Variants in SYN3 observed in about 807,000 individuals in gnomAD.
SYN3 encodes the protein synapsin III.
In SYN3, 35 loss-of-function variants were observed where a neutral mutation model predicts 65.8. That is an observed-to-expected ratio of 0.53 (90% confidence interval 0.41 to 0.70). The LOEUF is 0.70. Ranked by LOEUF, SYN3 falls within the 30% of genes least tolerant of loss-of-function variation. The pLI, the probability that SYN3 is intolerant of heterozygous loss-of-function variation, is 0.00. For missense variants in SYN3, 680 were observed against 749.0 expected, an observed-to-expected ratio of 0.91 and a Z score of 1.08; for synonymous variants, 270 against 292.9, an observed-to-expected ratio of 0.92 and a Z score of 0.80.
chr22:32,786,051 A>G (rs2046186844), intron 6 of SYN3, among the ~76,000 whole-genome samples: 1 of 152,156 alleles, frequency 6.6e-6, no homozygotes, highest in Non-Finnish European at 1.5e-5. Flanking sequence ...GCAAGATACA[A>G]TCCCATTTAC....
At chr22:32,783,430 G>GA (rs774425593) in intron 6 of SYN3, among the ~76,000 whole-genome samples, 1 of 152,222 alleles carries the variant, frequency 6.6e-6, no homozygotes, top group Non-Finnish European at 1.5e-5. Flanking sequence ...TGGAATTACT[G>GA]AAAATCTGAA....
chr22:32,529,439 A>G (rs898850210), intron 10 of SYN3, among the ~76,000 whole-genome samples: 1 of 152,158 alleles, frequency 6.6e-6, no homozygotes, highest in Non-Finnish European at 1.5e-5. Flanking sequence ...TGACAAAAAT[A>G]TGACGCGGGC....
At chr22:32,561,810 C>G (rs1057092346) in intron 7 of SYN3, among the ~76,000 whole-genome samples, 2 of 152,200 alleles carry the variant, frequency 1.3e-5, no homozygotes, top group African/African-American at 2.4e-5. Context: ...CGTGGGGAAG[C>G]CTGTAGAGGC....
intron 6 of SYN3, among the ~76,000 whole-genome samples, chr22:32,841,927 A>G (rs1339755115): frequency 6.6e-6 from 1 of 152,284 alleles, no homozygotes; most frequent in South Asian, 2.1e-4. Context: ...AGTTGTGCAG[A>G]TGGTGCTGAG....
rs1345372810 is a variant in SYN3 at position 32,885,295 on chromosome 22, C to A, written c.462-16170G>T. Among the ~76,000 whole-genome samples the A allele has an allele frequency of 2.0e-5, 3 of 152,184 alleles. No individual in the cohort carries two copies. The East Asian group carries it at 5.8e-4, about 29-fold the overall frequency. On this transcript the variant is annotated intron_variant, in intron 4 of 13. Transcript: ENST00000358763. ...TCATATCACTGAGCTAGGGCAATCA[C>A]AGGGCCGAGTAAATCAGAGGCTCAA...
At chr22:32,768,752 T>C (rs1666652874) in intron 6 of SYN3, among the ~76,000 whole-genome samples, 1 of 152,190 alleles carries the variant, frequency 6.6e-6, no homozygotes, top group Non-Finnish European at 1.5e-5. Flanking sequence ...AGCCCATTCA[T>C]TCTCCTACTC....
At position 32,519,060 on chromosome 22, in the gene SYN3, C is replaced by T. The variant is rs183151722; in HGVS notation, c.1319-726G>A. Among the ~76,000 whole-genome samples, 504 of 152,274 alleles carry T rather than the reference C, an allele frequency of 3.3e-3. 5 individuals carry two copies. The highest frequency in any genetic ancestry group is 0.011 in the African/African-American group (468 of 41,564). On this transcript the variant is annotated intron_variant, in intron 12 of 13. Transcript: ENST00000358763. ...GCCATCTGCAGGCCAAGGAGAGAAG[C>T]TGTACCAGAAACCAACCCTGCTAGC...
chr22:32,928,938 A>G (rs1315292748), intron 4 of SYN3, among the ~76,000 whole-genome samples: 1 of 152,170 alleles, frequency 6.6e-6, no homozygotes, highest in African/African-American at 2.4e-5. Context: ...GTTAAACACA[A>G]TAATTTTGAT....
intron 6 of SYN3, among the ~76,000 whole-genome samples, chr22:32,711,388 G>T (rs1352199469): frequency 2.6e-5 from 4 of 152,178 alleles, no homozygotes; most frequent in South Asian, 2.1e-4. Context: ...TGAGAAATAG[G>T]TCTGAAAGGT....
intron 6 of SYN3, among the ~76,000 whole-genome samples, chr22:32,724,203 G>A (rs1026813553): frequency 1.3e-5 from 2 of 152,098 alleles, no homozygotes; most frequent in African/African-American, 4.8e-5. Context: ...TGCATTTCCT[G>A]CCTTCCATCC....
intron 6 of SYN3, among the ~76,000 whole-genome samples, chr22:32,765,502 C>T (rs2045598758): frequency 6.6e-6 from 1 of 152,114 alleles, no homozygotes; most frequent in Admixed American, 6.6e-5. Flanking sequence ...AATTGAAAAA[C>T]AGGAAAGTGG....
At chr22:32,898,083 C>A (rs985336497) in intron 4 of SYN3, among the ~76,000 whole-genome samples, 1 of 152,140 alleles carries the variant, frequency 6.6e-6, no homozygotes, top group Non-Finnish European at 1.5e-5. Context: ...GCAACCTCCA[C>A]CTCCCGGCTT....
chr22:33,035,489 T>C (rs898656933), intron 1 of SYN3, among the ~76,000 whole-genome samples: 1 of 152,198 alleles, frequency 6.6e-6, no homozygotes, highest in Non-Finnish European at 1.5e-5. Flanking sequence ...TGCAAAGGAC[T>C]GCCCCCAAAG....
intron 2 of SYN3, among the ~76,000 whole-genome samples, chr22:32,998,083 C>A (rs1039913894): frequency 6.6e-6 from 1 of 151,864 alleles, no homozygotes; most frequent in South Asian, 2.1e-4. Flanking sequence ...ATTGTCACAC[C>A]CCCAACCTTG....
chr22:33,049,182 C>G (rs1466979752), intron 1 of SYN3, among the ~76,000 whole-genome samples: 1 of 152,200 alleles, frequency 6.6e-6, no homozygotes, highest in Non-Finnish European at 1.5e-5. Context: ...TTGCTGTACC[C>G]TTAGCTTCCT....
intron 7 of SYN3, among the ~76,000 whole-genome samples, chr22:32,594,646 C>T (rs2059173275): frequency 6.6e-6 from 1 of 152,160 alleles, no homozygotes; most frequent in Non-Finnish European, 1.5e-5. Flanking sequence ...CGCAACCACG[C>T]CTGGCTAATT....
intron 3 of SYN3, among the ~76,000 whole-genome samples, chr22:32,974,812 T>C (rs1167170262): frequency 6.6e-6 from 1 of 152,214 alleles, no homozygotes; most frequent in Non-Finnish European, 1.5e-5. Context: ...GAAACAAATG[T>C]TCAGCATATT....
chr22:33,041,479 A>T (rs1186607583), intron 1 of SYN3, among the ~76,000 whole-genome samples: 2 of 151,194 alleles, frequency 1.3e-5, no homozygotes, highest in South Asian at 4.2e-4. Flanking sequence ...TTGGATTTTT[A>T]GTAGAGATGG....
intron 7 of SYN3, among the ~76,000 whole-genome samples, chr22:32,582,983 C>T (rs2058971709): frequency 6.6e-6 from 1 of 152,172 alleles, no homozygotes; most frequent in Admixed American, 6.5e-5. Context: ...TTCACTGGCC[C>T]ATCACAGTGC....
Sources: gnomAD v4.1 joint callset for allele counts (sites outside exome capture counted in the v4.1 genomes callset) on GRCh38, gnomAD v4.1.1 for gene constraint, MANE v1.5 for transcripts, NCBI Gene and HGNC (gene_info 2026-07-23, HGNC 2026-07-21) for gene names.